Variants in ZNF207 observed in about 807,000 individuals in gnomAD.
ZNF207 encodes the protein BUB3-interacting and GLEBS motif-containing protein ZNF207.
In ZNF207, 24 loss-of-function variants were observed where a neutral mutation model predicts 60.2. The ratio of observed to expected loss-of-function variants is 0.40; its 90% CI spans 0.29 to 0.56. ZNF207 has a LOEUF of 0.56. Ranked by LOEUF, ZNF207 falls within the 20% of genes least tolerant of loss-of-function variation. The pLI, the probability that ZNF207 is intolerant of heterozygous loss-of-function variation, is 0.49. For missense variants in ZNF207, 452 were observed against 636.6 expected (o/e 0.71, Z 3.12); for synonymous variants, 236 against 194.7 (o/e 1.21, Z -1.77).
intron 2 of ZNF207, among the ~76,000 whole-genome samples, chr17:32,353,231 G>C (rs925562160): frequency 3.3e-5 from 5 of 152,082 alleles, no homozygotes; most frequent in African/African-American, 1.2e-4. Context: ...AATAAATAGC[G>C]AGAGCATTGT....
rs1260007630 is a variant in ZNF207 at position 32,374,913 on chromosome 17, A to G, written c.*5154A>G. 2.0e-5 allele frequency: 3 copies of G among 152,230 alleles called. No homozygotes were observed. The highest frequency in any genetic ancestry group is 4.4e-5 in the Non-Finnish European group (3 of 68,034). 9.4% of individuals were successfully genotyped at this position (152,230 alleles called of 1,614,324 possible). A position where few individuals can be genotyped will look rare whatever the true frequency, so the allele number is the denominator to read the frequency against. ...AAAGTATCCACATTTGTTTCCAACT[A>G]AAATTTGCTTTTATTTGGTGAGAAA... On this transcript the variant is annotated 3_prime_UTR_variant, in exon 12 of 12. Coordinates refer to ENST00000394670, the MANE Select transcript of ZNF207 (RefSeq NM_001098507.2).
chr17:32,351,778 T>C lies in ZNF207; in HGVS notation c.42-8T>C. On this transcript the variant is annotated splice_polypyrimidine_tract_variant and splice_region_variant and intron_variant, in intron 1 of 11. Transcript: ENST00000394670. ...AGGCTGTCTTTGTGCCTTAACAGTATTGATCAGGTATTGTAATAGAGATTT... is the reference window on the plus strand; with the variant it reads ...AGGCTGTCTTTGTGCCTTAACAGTACTGATCAGGTATTGTAATAGAGATTT... 6.2e-7 allele frequency: 1 copy of C among 1,609,386 alleles called. No individual in the cohort carries two copies. The highest frequency in any genetic ancestry group is 1.3e-5 in the African/African-American group (1 of 74,900).
rs1044527083 is a variant in ZNF207 at position 32,376,029 on chromosome 17, G to A, written c.*6270G>A. The A allele has an allele frequency of 1.2e-4, 18 of 151,918 alleles. 1 individual carries two copies. Among genetic ancestry groups the A allele is most frequent in the African/African-American group, 3.6e-4 (15 of 41,376 alleles). The allele number at this position is 151,918 out of a possible 1,614,324, so 9.4% of individuals were successfully genotyped here. On this transcript the variant is annotated 3_prime_UTR_variant, in exon 12 of 12. Coordinates refer to ENST00000394670, the MANE Select transcript of ZNF207 (RefSeq NM_001098507.2). ...TGTTTTTATAGCAAAGAAATCATCT[G>A]ACTTTTCTGTGTGATGTTTCTTGGC...
chr17:32,351,657 T>C (rs748013000), intron 1 of ZNF207, 129 bp from the exon 2 acceptor site: 14 of 1,577,754 alleles, frequency 8.9e-6, no homozygotes, highest in Non-Finnish European at 1.2e-5. Flanking sequence ...GTAATAAATA[T>C]AAAAAGCAGA....
In ZNF207 at chr17:32,351,810, T is replaced by C; in HGVS notation, c.66T>C (p.Asp22=). The change falls in exon 2 of 12, where the codon GAT becomes GAC. Residue 22 remains aspartate (D), a synonymous_variant. Transcript: ENST00000394670. ...WCWYCNRDFD[D]EKILIQHQKA... Reference sequence around the variant, plus strand: ...GGTATTGTAATAGAGATTTTGATGATGAGAAGATCCTTATTCAGCACCAAA... The same window carrying C: ...GGTATTGTAATAGAGATTTTGATGACGAGAAGATCCTTATTCAGCACCAAA... The C allele has an allele frequency of 1.2e-6, 2 of 1,610,686 alleles. No homozygotes were observed. Among genetic ancestry groups the C allele is most frequent in the Non-Finnish European group, 1.7e-6 (2 of 1,178,090 alleles).
At chr17:32,367,259 A>ATATATATATATG (rs1298412441) in intron 9 of ZNF207, among the ~76,000 whole-genome samples, 31 of 109,868 alleles carry the variant, frequency 2.8e-4, no homozygotes, top group Non-Finnish European at 4.7e-4. Flanking sequence ...ATATATATAT[A>ATATATATATATG]TATATATATA....
chr17:32,357,339 A>ATTTTTTTTTTTTTTTTTTT (rs1405292203), intron 2 of ZNF207, among the ~76,000 whole-genome samples: 1 of 81,932 alleles, frequency 1.2e-5, no homozygotes. Context: ...TATTATTATT[A>ATTTTTTTTTTTTTTTTTTT]TTATTATTAT....
chr17:32,367,257 A>ATG (rs1555608350), intron 9 of ZNF207, among the ~76,000 whole-genome samples: 2 of 95,874 alleles, frequency 2.1e-5, no homozygotes, highest in Non-Finnish European at 4.4e-5. Flanking sequence ...ATATATATAT[A>ATG]TATATATATA....
At chr17:32,363,570 C>T (rs1483507648) in intron 7 of ZNF207, among the ~76,000 whole-genome samples, 3 of 84,460 alleles carry the variant, frequency 3.6e-5, no homozygotes, top group African/African-American at 8.8e-5. Context: ...GATGGAATCT[C>T]GCTCTGTCAC....
At position 32,370,593 on chromosome 17, in the gene ZNF207, T is replaced by A. The variant is rs1905423891; in HGVS notation, c.*834T>A. ...TACATGAGTCATTACATAATGGGTATGAAATCTTTATAATCACCCTTCCAC... is the reference window on the plus strand; with the variant it reads ...TACATGAGTCATTACATAATGGGTAAGAAATCTTTATAATCACCCTTCCAC... On this transcript the variant is annotated 3_prime_UTR_variant, in exon 12 of 12. Coordinates refer to ENST00000394670, the MANE Select transcript of ZNF207 (RefSeq NM_001098507.2). 1 of 152,248 alleles carries A rather than the reference T, an allele frequency of 6.6e-6. No individual in the cohort carries two copies. The highest frequency in any genetic ancestry group is 2.1e-4 in the South Asian group (1 of 4,832). 9.4% of individuals were successfully genotyped at this position (152,248 alleles called of 1,614,324 possible). A position where few individuals can be genotyped will look rare whatever the true frequency, so the allele number is the denominator to read the frequency against.
chr17:32,362,748 G>C (rs1904956235), intron 6 of ZNF207, 166 bp from the exon 7 acceptor site: 5 of 486,728 alleles, frequency 1.0e-5, no homozygotes, highest in Non-Finnish European at 1.4e-5. Flanking sequence ...TATTTTGATA[G>C]GATTGTTACA....
rs1555608291 is a variant in ZNF207, at chr17:32,367,239, T to TTTTATA, written c.921+483_921+484insTTATAT. 1.2e-4 allele frequency among the ~76,000 whole-genome samples: 4 copies of TTTTATA among 32,190 alleles called. No individual in the cohort carries two copies. In the South Asian group the frequency reaches 4.3e-3, roughly 34 times the overall value. The allele number at this position is 32,190 out of a possible 152,430, so 21.1% of individuals were successfully genotyped here. ...CCAGCCATTGTTAATTTGGAGGGGA[T>TTTTATA]TATATATATATATATATATATATAT... On this transcript the variant is annotated intron_variant, in intron 9 of 11. Coordinates refer to ENST00000394670, the MANE Select transcript of ZNF207 (RefSeq NM_001098507.2).
At position 32,357,417 on chromosome 17, in the gene ZNF207, C is replaced by T. The variant is rs576055206; in HGVS notation, c.169-1086C>T. 4.4e-4 allele frequency among the ~76,000 whole-genome samples: 65 copies of T among 146,398 alleles called. 1 individual carries two copies. Among genetic ancestry groups the T allele is most frequent in the Middle Eastern group, 3.7e-3 (1 of 270 alleles). On this transcript the variant is annotated intron_variant, in intron 2 of 11. Coordinates refer to ENST00000394670, the MANE Select transcript of ZNF207 (RefSeq NM_001098507.2). ...AGGCTAGAGTGCCGTGGCACGGTCT[C>T]GGCTCACTGTAACCTCTGCCTCCCG...
chr17:32,381,687 A>G lies in ZNF207; in HGVS notation c.*11928A>G, dbSNP rs577034145. 6.6e-6 allele frequency: 1 copy of G among 152,326 alleles called. No homozygotes were observed. The highest frequency in any genetic ancestry group is 2.4e-5 in the African/African-American group (1 of 41,584). The allele number at this position is 152,326 out of a possible 1,614,324, so 9.4% of individuals were successfully genotyped here. The stretch of plus-strand genomic sequence containing the variant: ...TTATTTTAAGTAAGCCAAGTCTACC[A>G]TTTGAAAAATGGTGCTTTATTTCCA... On this transcript the variant is annotated 3_prime_UTR_variant, in exon 12 of 12. Transcript: ENST00000394670.
chr17:32,359,225 G>T (rs186250184), intron 3 of ZNF207, among the ~76,000 whole-genome samples: 89 of 152,224 alleles, frequency 5.8e-4, no homozygotes, highest in African/African-American at 1.9e-3. Context: ...CAATTCTCCT[G>T]CCTCAGCCTT....
chr17:32,366,730 TA>T lies in ZNF207; in HGVS notation c.897del (p.Ala300LeufsTer24). On this transcript the variant is annotated frameshift_variant, in exon 9 of 12. Transcript: ENST00000394670. LOFTEE classifies it high-confidence loss of function. ...ATTCAGAAAGTCTGTCTGCATCTTC[TA>T]AAGCTCTGTTTCCTAGCACAGCACA... Reference protein sequence around the residue: ...SNSESLSASSKALFPSTAQAQ... With the variant: ...SNSESLSASSXALFPSTAQAQ... The T allele has an allele frequency of 6.2e-7, 1 of 1,611,280 alleles. No homozygotes were observed.
intron 2 of ZNF207, among the ~76,000 whole-genome samples, chr17:32,356,146 T>C (rs539034701): frequency 2.0e-4 from 30 of 152,354 alleles, no homozygotes; most frequent in African/African-American, 7.0e-4. Context: ...ATTAGTAAGT[T>C]AGGTGGTTCC....
Position 32,370,903 on chromosome 17 carries a change from A to G in ZNF207, c.*1144A>G, listed in dbSNP as rs1905437371. On this transcript the variant is annotated 3_prime_UTR_variant, in exon 12 of 12. Coordinates refer to ENST00000394670, the MANE Select transcript of ZNF207 (RefSeq NM_001098507.2). ...ATGTGTCTCTGTTGGGATGGTTAAC[A>G]GATGAATTGGCAATTTTTATTATGT... 1 of 152,256 alleles carries G rather than the reference A, an allele frequency of 6.6e-6. No individual in the cohort carries two copies. The highest frequency in any genetic ancestry group is 1.5e-5 in the Non-Finnish European group (1 of 68,046). 9.4% of individuals were successfully genotyped at this position (152,256 alleles called of 1,614,324 possible). A position where few individuals can be genotyped will look rare whatever the true frequency, so the allele number is the denominator to read the frequency against.
chr17:32,361,870 T>C (rs1174944327), intron 6 of ZNF207, among the ~76,000 whole-genome samples: 1 of 152,194 alleles, frequency 6.6e-6, no homozygotes, highest in Non-Finnish European at 1.5e-5. Flanking sequence ...TAGAAGTTAA[T>C]CTTCTGATAA....
Sources: gnomAD v4.1 joint callset for allele counts (sites outside exome capture counted in the v4.1 genomes callset) on GRCh38, gnomAD v4.1.1 for gene constraint, MANE v1.5 for transcripts, NCBI Gene and HGNC (gene_info 2026-07-23, HGNC 2026-07-21) for gene names.